Variants in TEX2 observed in about 807,000 individuals in gnomAD.
TEX2 encodes testis-expressed protein 2.
Under a neutral mutation model 106.9 loss-of-function variants are expected in TEX2, and 53 were observed. The ratio of observed to expected loss-of-function variants is 0.50; its 90% confidence interval spans 0.40 to 0.62. The LOEUF (loss-of-function observed/expected upper bound fraction) is 0.62. Among genes scored for constraint, TEX2 ranks in the 20% least tolerant of loss-of-function variants. The probability of loss-of-function intolerance (pLI) is 0.00; values close to 1 mark genes in which losing one functional copy is unlikely to be tolerated. For synonymous variants in TEX2, 523 were observed against 534.8 expected (o/e 0.98, Z 0.30); for missense variants, 1,207 against 1,379.0 (o/e 0.88, Z 1.98).
intron 4 of TEX2, 127 bp downstream of exon 4, chr17:64,193,432 T>G: frequency 1.4e-6 from 1 of 710,170 alleles, no homozygotes. Flanking sequence ...GAATGCACAT[T>G]AGGTGGCAGA....
At chr17:64,203,139 G>A (rs2032723239) in intron 2 of TEX2, among the ~76,000 whole-genome samples, 1 of 152,244 alleles carries the variant, frequency 6.6e-6, no homozygotes, top group South Asian at 2.1e-4. Context: ...CAAGGCCAAT[G>A]CTCTATTGCT....
chr17:64,227,415 C>G (rs2033537632), intron 1 of TEX2, among the ~76,000 whole-genome samples: 1 of 152,044 alleles, frequency 6.6e-6, no homozygotes, highest in South Asian at 2.1e-4. Context: ...CTCATTTTCT[C>G]CATATAACAG....
intron 1 of TEX2, among the ~76,000 whole-genome samples, chr17:64,252,747 TA>T: frequency 6.6e-6 from 1 of 152,122 alleles, no homozygotes; most frequent in African/African-American, 2.4e-5. Context: ...CGAAGCTAGG[TA>T]CTGGGTATAT....
chr17:64,229,919 C>T (rs2033617100), intron 1 of TEX2, among the ~76,000 whole-genome samples: 1 of 152,170 alleles, frequency 6.6e-6, no homozygotes. Context: ...ACTGAAAAAA[C>T]TCTTTAAGAA....
At chr17:64,198,898 G>GT (rs2032565400) in intron 2 of TEX2, among the ~76,000 whole-genome samples, 1 of 152,114 alleles carries the variant, frequency 6.6e-6, no homozygotes. Flanking sequence ...CCTGCATTAT[G>GT]TTTATCAACC....
rs756431036 is a variant in TEX2, at chr17:64,150,950, C to T, written c.3152G>A (p.Arg1051Gln). 28 of 1,613,792 alleles carry T rather than the reference C, an allele frequency of 1.7e-5. No homozygotes were observed. The South Asian group carries it at 2.1e-4, about 12-fold the overall frequency. Residue 1051 changes from arginine to glutamine, a missense_variant, in exon 11 of 12, where the codon CGA (arginine) becomes CAA (glutamine). This residue lies in a region of TEX2 where 63 missense variants were observed against 112.2 expected (regional missense o/e 0.56). Transcript: ENST00000584379. ...TTTCAGCTCCACATGTGGTGGCTTT[C>T]GGAAACCATACCTTTTTGAAGACAA... ...PPTDRVWYGF[R>Q]KPPHVELKAR...
intron 2 of TEX2, among the ~76,000 whole-genome samples, chr17:64,209,494 G>C (rs1407429995): frequency 6.6e-6 from 1 of 152,220 alleles, no homozygotes; most frequent in African/African-American, 2.4e-5. Flanking sequence ...AAAGTGATCA[G>C]AGTTGTCCAA....
intron 1 of TEX2, among the ~76,000 whole-genome samples, chr17:64,256,956 C>T (rs373380109): frequency 6.6e-6 from 1 of 152,198 alleles, no homozygotes; most frequent in East Asian, 1.9e-4. Flanking sequence ...CAGCTTTGAA[C>T]AGCAAGAGAA....
chr17:64,203,813 C>G (rs2032745117), intron 2 of TEX2, among the ~76,000 whole-genome samples: 2 of 152,232 alleles, frequency 1.3e-5, no homozygotes, highest in African/African-American at 4.8e-5. Flanking sequence ...CATCCTCCAA[C>G]TGCCTGCTTC....
chr17:64,199,610 G>A (rs1044273478), intron 2 of TEX2, among the ~76,000 whole-genome samples: 1 of 152,152 alleles, frequency 6.6e-6, no homozygotes, highest in East Asian at 1.9e-4. Flanking sequence ...TTTAAACAAT[G>A]TATTTTATTT....
chr17:64,162,160 A>C (rs1481866876), intron 7 of TEX2, among the ~76,000 whole-genome samples: 1 of 152,256 alleles, frequency 6.6e-6, no homozygotes, highest in Non-Finnish European at 1.5e-5. Context: ...TCTTCTTTGC[A>C]GCAATACTCA....
chr17:64,152,492 C>A (rs940607105), intron 10 of TEX2, among the ~76,000 whole-genome samples: 1 of 152,196 alleles, frequency 6.6e-6, no homozygotes, highest in Admixed American at 6.5e-5. Flanking sequence ...TTCCCAGACT[C>A]TGTTGGATGT....
intron 5 of TEX2, among the ~76,000 whole-genome samples, chr17:64,183,426 CT>C (rs780685363): frequency 3.2e-4 from 49 of 151,982 alleles, no homozygotes; most frequent in Non-Finnish European, 6.6e-4. Flanking sequence ...ACTCCAATTT[CT>C]TTCTTTCTTT....
At chr17:64,221,308 C>G (rs1163640038) in intron 1 of TEX2, among the ~76,000 whole-genome samples, 2 of 152,078 alleles carry the variant, frequency 1.3e-5, no homozygotes, top group Non-Finnish European at 2.9e-5. Flanking sequence ...ACACATTTAC[C>G]TATGTTAACA....
In TEX2 at chr17:64,185,137, A is replaced by G. The variant is rs2032027266; in HGVS notation, c.2424+3031T>C. ...TCTTGTAATCCAGTTTATAGATATG[A>G]GATGATGAGCACGACGAGTAGTAAT... On this transcript the variant is annotated intron_variant, in intron 5 of 11. Coordinates refer to ENST00000584379, the MANE Select transcript of TEX2 (RefSeq NM_001288732.2). This position sits in a 1 kb window ranked among gnomAD's most constrained non-coding sequence, Gnocchi z 4.0. Among the ~76,000 whole-genome samples the G allele has an allele frequency of 1.3e-5, 2 of 152,222 alleles. No homozygotes were observed. The highest frequency in any genetic ancestry group is 2.4e-5 in the African/African-American group (1 of 41,460).
chr17:64,151,028 A>AG (rs2030326806), intron 10 of TEX2, 67 bp from the exon 11 acceptor site: 1 of 1,559,108 alleles, frequency 6.4e-7, no homozygotes, highest in African/African-American at 1.4e-5. Flanking sequence ...ACTGACAGCA[A>AG]ACAGTTCTCA....
Position 64,195,214 on chromosome 17 carries a change from T to C in TEX2, c.1645-119A>G, listed in dbSNP as rs968585577. The C allele has an allele frequency of 2.3e-6, 2 of 877,556 alleles. No homozygotes were observed. The highest frequency in any genetic ancestry group is 2.6e-5 in the East Asian group (1 of 37,948). The allele number at this position is 877,556 out of a possible 1,614,324, so 54.4% of individuals were successfully genotyped here. On this transcript the variant is annotated intron_variant, in intron 2 of 11. Transcript: ENST00000584379. The surrounding 1 kb of genome is among the most constrained non-coding windows in gnomAD (Gnocchi z 4.1). ...ACCAAACTTGATCACGACACAGATA[T>C]CAGCTCACCAATGACTACAGGTTGC... is the stretch of plus-strand genomic sequence containing the variant.
chr17:64,190,859 G>C (rs1024392895), intron 4 of TEX2, among the ~76,000 whole-genome samples: 8 of 152,188 alleles, frequency 5.3e-5, no homozygotes, highest in African/African-American at 1.7e-4. Flanking sequence ...CGTGTTGCTA[G>C]AGAAATCTAT....
intron 1 of TEX2, among the ~76,000 whole-genome samples, chr17:64,236,498 C>T (rs1268819326): frequency 6.6e-6 from 1 of 152,182 alleles, no homozygotes; most frequent in African/African-American, 2.4e-5. Context: ...CAGGTTGACA[C>T]TGCACTCCAG....
Sources: gnomAD v4.1 joint callset for allele counts (sites outside exome capture counted in the v4.1 genomes callset) on GRCh38, gnomAD v4.1.1 for gene constraint, gnomAD v4.1.1 regional missense constraint, Gnocchi (gnomAD v3.1) non-coding constraint, MANE v1.5 for transcripts, NCBI Gene and HGNC (gene_info 2026-07-23, HGNC 2026-07-21) for gene names.